SMYD3: variants seen among roughly 807,000 people sequenced by gnomAD.
The protein encoded by SMYD3 is SET and MYND domain containing 3.
Under a neutral mutation model 57.7 loss-of-function variants are expected in SMYD3, and 36 were observed. That is an observed-to-expected ratio of 0.62 (90% CI 0.48 to 0.82). The LOEUF (loss-of-function observed/expected upper bound fraction) is 0.82, where lower values mean the gene tolerates loss of function less well. SMYD3 is among the 40% of genes least tolerant of loss of function. The probability of loss-of-function intolerance (pLI) is 0.00; values close to 1 mark genes in which losing one functional copy is unlikely to be tolerated. For synonymous variants in SMYD3, 211 were observed against 195.0 expected, an observed-to-expected ratio of 1.08 and a Z score of -0.68; for missense variants, 515 against 538.8, an observed-to-expected ratio of 0.96 and a Z score of 0.44.
rs180886505 is a variant in SMYD3, at chr1:245,823,115, G to C, written c.1076+35381C>G. ...GCTCAGTTCTTTGGTGTGAAATATAGTAAGATAGAGGCCATTGGCTTCAGA... is the reference window on the plus strand; with the variant it reads ...GCTCAGTTCTTTGGTGTGAAATATACTAAGATAGAGGCCATTGGCTTCAGA... On this transcript the variant is annotated intron_variant, in intron 10 of 11. Transcript: ENST00000490107. Among the ~76,000 whole-genome samples, 35 of 152,306 alleles carry C rather than the reference G, an allele frequency of 2.3e-4. 1 individual carries two copies. The highest frequency in any genetic ancestry group is 7.9e-4 in the African/African-American group (33 of 41,572).
rs576458644 is a variant in SMYD3 at position 246,020,937 on chromosome 1, C to T, written c.532-91000G>A. Among the ~76,000 whole-genome samples, 5 of 152,274 alleles carry T rather than the reference C, an allele frequency of 3.3e-5. No homozygotes were observed. In the East Asian group the frequency reaches 9.6e-4, roughly 29 times the overall value. ...TACATCTCCCTCTTCTTAAGGCCTA[C>T]CTGCATGAGCATGTACCTGTTCATA... On this transcript the variant is annotated intron_variant, in intron 5 of 11. Coordinates refer to ENST00000490107, the MANE Select transcript of SMYD3 (RefSeq NM_001167740.2).
At chr1:246,340,009 A>G (rs2065606768) in intron 2 of SMYD3, among the ~76,000 whole-genome samples, 1 of 152,188 alleles carries the variant, frequency 6.6e-6, no homozygotes, top group African/African-American at 2.4e-5. Flanking sequence ...GCAGCACAAA[A>G]ACAGATCAAG....
chr1:246,037,093 T>C (rs1348396590), intron 5 of SMYD3, among the ~76,000 whole-genome samples: 1 of 152,150 alleles, frequency 6.6e-6, no homozygotes, highest in East Asian at 1.9e-4. Context: ...ACAAACAAGG[T>C]TGCAATAAAT....
intron 5 of SMYD3, among the ~76,000 whole-genome samples, chr1:246,099,948 G>A (rs1379850726): frequency 6.6e-6 from 1 of 152,214 alleles, no homozygotes; most frequent in East Asian, 1.9e-4. Context: ...AAAAACTGGA[G>A]TGGGCGATTT....
intron 5 of SMYD3, among the ~76,000 whole-genome samples, chr1:246,250,229 G>A (rs899027131): frequency 6.6e-6 from 1 of 152,160 alleles, no homozygotes; most frequent in Non-Finnish European, 1.5e-5. Context: ...TGTGACTGCT[G>A]AAACCTCATT....
intron 5 of SMYD3, among the ~76,000 whole-genome samples, chr1:246,054,907 G>A (rs12734476): frequency 0.13 from 19,453 of 149,132 alleles, 1,554 homozygotes; most frequent in African/African-American, 0.21. Context: ...CAGGTGCGGC[G>A]GCTCACGCCT....
At chr1:246,291,277 T>C (rs1006388783) in intron 5 of SMYD3, among the ~76,000 whole-genome samples, 2 of 152,208 alleles carry the variant, frequency 1.3e-5, no homozygotes, top group Non-Finnish European at 2.9e-5. Context: ...TGATGTCTTA[T>C]GAGTGCATTT....
chr1:245,803,756 A>C (rs1185603495), intron 10 of SMYD3, among the ~76,000 whole-genome samples: 1 of 152,206 alleles, frequency 6.6e-6, no homozygotes, highest in Non-Finnish European at 1.5e-5. Context: ...CTATCAGCTT[A>C]AGAAAATTTC....
chr1:246,303,371 G>T (rs1257971604), intron 5 of SMYD3, among the ~76,000 whole-genome samples: 1 of 152,036 alleles, frequency 6.6e-6, no homozygotes, highest in Non-Finnish European at 1.5e-5. Flanking sequence ...CCTCAGTATT[G>T]ACTCTAGCAC....
chr1:245,770,003 C>T (rs1317709793), intron 10 of SMYD3, among the ~76,000 whole-genome samples: 1 of 152,194 alleles, frequency 6.6e-6, no homozygotes, highest in Non-Finnish European at 1.5e-5. Context: ...ACGCAGAAGC[C>T]ATGAATTTAG....
intron 10 of SMYD3, among the ~76,000 whole-genome samples, chr1:245,769,016 G>A (rs1298356229): frequency 2.0e-5 from 3 of 152,180 alleles, no homozygotes; most frequent in African/African-American, 7.2e-5. Flanking sequence ...CCTGAAAGGA[G>A]AACTTAACCT....
intron 5 of SMYD3, among the ~76,000 whole-genome samples, chr1:246,069,893 C>A (rs775107869): frequency 5.0e-4 from 76 of 152,180 alleles, no homozygotes; most frequent in Non-Finnish European, 5.1e-4. Context: ...GCCCCAGATA[C>A]CATCATCTCC....
intron 8 of SMYD3, among the ~76,000 whole-genome samples, chr1:245,874,346 T>C (rs1301078395): frequency 1.3e-5 from 2 of 152,208 alleles, no homozygotes; most frequent in Non-Finnish European, 2.9e-5. Context: ...AGCGAGCACA[T>C]CAGATTATCT....
rs138010213 is a variant in SMYD3 at position 245,764,124 on chromosome 1, C to A, written c.1102G>T (p.Val368Phe). 2 of 1,613,892 alleles carry A rather than the reference C, an allele frequency of 1.2e-6. No individual in the cohort carries two copies. Among genetic ancestry groups the A allele is most frequent in the Non-Finnish European group, 1.7e-6 (2 of 1,179,960 alleles). The change falls in exon 11 of 12, where the codon GTC becomes TTC. Residue 368 changes from valine (V) to phenylalanine (F), a missense_variant. Val to Phe is a conservative substitution (Grantham distance 50, BLOSUM62 -1). Transcript: ENST00000490107. ...ACTTTCATCACTTGAACCCCTCTGA[C>A]GGGATGGCTTCCTGGGAAAAAAATC... ...YRIFFPGSHPVRGVQVMKVGK... is the reference protein window; with the variant it reads ...YRIFFPGSHPFRGVQVMKVGK...
intron 5 of SMYD3, among the ~76,000 whole-genome samples, chr1:246,054,079 A>G (rs1047528165): frequency 6.6e-6 from 1 of 152,222 alleles, no homozygotes; most frequent in Non-Finnish European, 1.5e-5. Context: ...ACTCAACAAC[A>G]TGAAAACAAC....
At chr1:245,822,433 A>T (rs1003112939) in intron 10 of SMYD3, among the ~76,000 whole-genome samples, 6 of 150,170 alleles carry the variant, frequency 4.0e-5, no homozygotes, top group African/African-American at 1.5e-4. Flanking sequence ...GCACTGGGAG[A>T]TATACCTAAT....
intron 8 of SMYD3, among the ~76,000 whole-genome samples, chr1:245,902,118 C>G (rs2054226656): frequency 6.6e-6 from 1 of 152,150 alleles, no homozygotes; most frequent in Non-Finnish European, 1.5e-5. Flanking sequence ...CACTGATATT[C>G]CCCCATATCC....
At chr1:246,026,524 T>C (rs2059576944) in intron 5 of SMYD3, among the ~76,000 whole-genome samples, 1 of 152,254 alleles carries the variant, frequency 6.6e-6, no homozygotes, top group African/African-American at 2.4e-5. Context: ...TTCATGTGTC[T>C]GTTGTCACAT....
chr1:246,205,540 G>A (rs189570719), intron 5 of SMYD3, among the ~76,000 whole-genome samples: 19 of 152,288 alleles, frequency 1.2e-4, no homozygotes, highest in African/African-American at 3.6e-4. Flanking sequence ...TCCCAGTTCC[G>A]GCCCAGCGTG....
Sources: allele counts gnomAD v4.1 joint callset (sites outside exome capture counted in the v4.1 genomes callset), GRCh38; gene constraint gnomAD v4.1.1; transcripts MANE v1.5; gene names NCBI Gene and HGNC (gene_info 2026-07-23, HGNC 2026-07-21).